RIN3: variants seen among roughly 807,000 people sequenced by gnomAD.
RIN3 encodes the protein RAB5 interacting protein 3.
Under a neutral mutation model 76.3 loss-of-function variants are expected in RIN3, and 54 were observed. That is an observed-to-expected ratio of 0.71 (90% CI 0.57 to 0.89). The LOEUF is 0.89. Among genes scored for constraint, RIN3 ranks in the 40% least tolerant of loss-of-function variants. The pLI, the probability that RIN3 is intolerant of heterozygous loss-of-function variation, is 0.00. For missense variants in RIN3, 1,256 were observed against 1,322.1 expected (o/e 0.95, Z 0.78); for synonymous variants, 576 against 564.0 (o/e 1.02, Z -0.30).
At chr14:92,534,810 C>A (rs1896959606) in intron 1 of RIN3, among the ~76,000 whole-genome samples, 1 of 152,260 alleles carries the variant, frequency 6.6e-6, no homozygotes, top group South Asian at 2.1e-4. Flanking sequence ...TGGGAAGATT[C>A]ATGCCTGGGT....
At position 92,615,969 on chromosome 14, in the gene RIN3, G is replaced by A. The variant is rs113979135; in HGVS notation, c.440+490G>A. The stretch of plus-strand genomic sequence containing the variant: ...TAAGAATTTAAAAATACACTTTGGT[G>A]CCATAAGTCAATGACTTAAGCTACG... On this transcript the variant is annotated intron_variant, in intron 4 of 9. Coordinates refer to ENST00000216487, the MANE Select transcript of RIN3 (RefSeq NM_024832.5). 721 of 155,992 alleles carry A rather than the reference G, an allele frequency of 4.6e-3. 6 individuals are homozygous for A. Among genetic ancestry groups the A allele is most frequent in the African/African-American group, 0.017 (698 of 41,568 alleles). The allele number at this position is 155,992 out of a possible 1,614,324, so 9.7% of individuals were successfully genotyped here.
intron 2 of RIN3, chr14:92,576,329 G>T (rs779899071): frequency 7.8e-6 from 10 of 1,289,738 alleles, no homozygotes; most frequent in Non-Finnish European, 1.0e-6. Flanking sequence ...TGCTTAGAGC[G>T]TGAGAAGGAG....
intron 3 of RIN3, among the ~76,000 whole-genome samples, chr14:92,606,050 A>T (rs946697422): frequency 6.6e-6 from 1 of 152,030 alleles, no homozygotes; most frequent in African/African-American, 2.4e-5. Flanking sequence ...ATGCACCTGT[A>T]ATATAAGCTA....
At chr14:92,559,790 G>T (rs967201230) in intron 2 of RIN3, among the ~76,000 whole-genome samples, 1 of 152,222 alleles carries the variant, frequency 6.6e-6, no homozygotes, top group African/African-American at 2.4e-5. Flanking sequence ...AAGGGCCAAG[G>T]CCCAGAGGTG....
chr14:92,641,210 A>G (rs1331146302), intron 4 of RIN3, 28 bp from the exon 5 acceptor site: 1 of 1,553,224 alleles, frequency 6.4e-7, no homozygotes, highest in Admixed American at 1.7e-5. Context: ...GGACCCAGAC[A>G]TGACTTCTGC....
At chr14:92,548,104 C>A (rs1661403124) in intron 1 of RIN3, among the ~76,000 whole-genome samples, 1 of 152,202 alleles carries the variant, frequency 6.6e-6, no homozygotes, top group Admixed American at 6.5e-5. Context: ...TGACATCTTA[C>A]ATAGCCTTCT....
intron 3 of RIN3, among the ~76,000 whole-genome samples, chr14:92,598,346 C>G (rs1367250628): frequency 6.6e-6 from 1 of 152,220 alleles, no homozygotes; most frequent in African/African-American, 2.4e-5. Context: ...CCAGATCAGA[C>G]CAGCCTGCAG....
At chr14:92,665,735 G>GCCCC (rs1888073643) in intron 7 of RIN3, among the ~76,000 whole-genome samples, 2 of 149,904 alleles carry the variant, frequency 1.3e-5, no homozygotes, top group Non-Finnish European at 1.5e-5. Flanking sequence ...TTTTCCCCCA[G>GCCCC]CCCCACCTTT....
At chr14:92,521,985 C>A (rs1053834274) in intron 1 of RIN3, among the ~76,000 whole-genome samples, 2 of 149,394 alleles carry the variant, frequency 1.3e-5, no homozygotes, top group Non-Finnish European at 3.0e-5. Context: ...AGAAACGCAC[C>A]GAGTGGGAAA....
rs1390990287 is a variant in RIN3 at position 92,653,153 on chromosome 14, A to T, written c.2026+78A>T. On this transcript the variant is annotated intron_variant, in intron 6 of 9. Coordinates refer to ENST00000216487, the MANE Select transcript of RIN3 (RefSeq NM_024832.5). The stretch of plus-strand genomic sequence containing the variant: ...ACTCAGGAACCCCTTAGGACAAAAG[A>T]GGCCTATGCAGTGGACGCTGTTGGT... 7 of 1,424,022 alleles carry T rather than the reference A, an allele frequency of 4.9e-6. No individual in the cohort carries two copies. In the East Asian group the frequency reaches 1.2e-4, roughly 25 times the overall value. The allele number at this position is 1,424,022 out of a possible 1,614,324, so 88.2% of individuals were successfully genotyped here. A position where few individuals can be genotyped will look rare whatever the true frequency, so the allele number is the denominator to read the frequency against.
At chr14:92,588,322 G>C (rs898110651) in intron 3 of RIN3, among the ~76,000 whole-genome samples, 4 of 144,492 alleles carry the variant, frequency 2.8e-5, no homozygotes, top group African/African-American at 1.0e-4. Flanking sequence ...CCGCCTCCTG[G>C]GTTCAAGCAA....
At chr14:92,515,202 C>A in intron 1 of RIN3, 1 of 688,480 alleles carries the variant, frequency 1.5e-6, no homozygotes. Context: ...CTCTCGAAAG[C>A]GACCTCTGCA....
chr14:92,671,681 C>T (rs1189552662), intron 7 of RIN3, among the ~76,000 whole-genome samples: 2 of 152,158 alleles, frequency 1.3e-5, no homozygotes, highest in African/African-American at 4.8e-5. Flanking sequence ...CCCCTCATAC[C>T]CACATGGCCG....
intron 4 of RIN3, among the ~76,000 whole-genome samples, chr14:92,628,825 T>C (rs1886451398): frequency 6.6e-6 from 1 of 152,146 alleles, no homozygotes; most frequent in African/African-American, 2.4e-5. Flanking sequence ...CTTCCCATTC[T>C]GGACAGGGCA....
At chr14:92,581,901 A>C (rs1399900762) in intron 3 of RIN3, among the ~76,000 whole-genome samples, 1 of 152,182 alleles carries the variant, frequency 6.6e-6, no homozygotes, top group African/African-American at 2.4e-5. Context: ...AAAATCACTA[A>C]GGGGAAACAT....
chr14:92,519,477 T>G (rs1484701310), intron 1 of RIN3, among the ~76,000 whole-genome samples: 1 of 152,142 alleles, frequency 6.6e-6, no homozygotes, highest in African/African-American at 2.4e-5. Context: ...AGGTGGAGCC[T>G]GCCTGGCCAT....
chr14:92,605,552 C>G (rs761834412), intron 3 of RIN3, among the ~76,000 whole-genome samples: 1 of 152,212 alleles, frequency 6.6e-6, no homozygotes, highest in Non-Finnish European at 1.5e-5. Context: ...CTTGGATTAA[C>G]AAACGCTCAC....
intron 4 of RIN3, among the ~76,000 whole-genome samples, chr14:92,629,277 AGTG>A (rs1886475330): frequency 6.6e-6 from 1 of 152,246 alleles, no homozygotes; most frequent in Non-Finnish European, 1.5e-5. Flanking sequence ...ATATGTCACC[AGTG>A]GAGGGTGTCC....
Position 92,568,803 on chromosome 14 carries a change from C to T in RIN3, c.250-8557C>T, listed in dbSNP as rs1897983388. Among the ~76,000 whole-genome samples the T allele has an allele frequency of 6.6e-6, 1 of 152,232 alleles. No individual in the cohort carries two copies. Among genetic ancestry groups the T allele is most frequent in the Admixed American group, 6.5e-5 (1 of 15,286 alleles). On this transcript the variant is annotated intron_variant, in intron 2 of 9. Coordinates refer to ENST00000216487, the MANE Select transcript of RIN3 (RefSeq NM_024832.5). This position sits in a 1 kb window ranked among gnomAD's most constrained non-coding sequence, Gnocchi z 4.2. ...CAAGAGCCACATGAGAGCCCTGTGG[C>T]CATGCTGAAAGGGTGGGTGATGGGT...
Sources: gnomAD v4.1 joint callset for allele counts (sites outside exome capture counted in the v4.1 genomes callset) on GRCh38, gnomAD v4.1.1 for gene constraint, Gnocchi (gnomAD v3.1) non-coding constraint, MANE v1.5 for transcripts, NCBI Gene and HGNC (gene_info 2026-07-23, HGNC 2026-07-21) for gene names.